The following SCN10A variants were observed in gnomAD, a reference collection of about 807,000 sequenced individuals.
SCN10A encodes sodium voltage-gated channel alpha subunit 10.
In SCN10A, 162 loss-of-function variants were observed where a neutral mutation model predicts 170.7. The ratio of observed to expected loss-of-function variants is 0.95; its 90% CI spans 0.84 to 1.08. The LOEUF (loss-of-function observed/expected upper bound fraction) is 1.08, where lower values mean the gene tolerates loss of function less well. Ranked by LOEUF, SCN10A falls within the 50% of genes least tolerant of loss-of-function variation. The pLI is 0.00. For missense variants in SCN10A, 2,527 were observed against 2,436.9 expected, an observed-to-expected ratio of 1.04 and a Z score of -0.78; for synonymous variants, 985 against 904.6, an observed-to-expected ratio of 1.09 and a Z score of -1.59.
Position 38,726,926 on chromosome 3 carries a change from G to A in SCN10A, c.2767C>T (p.Arg923Cys), listed in dbSNP as rs267599803. 5.0e-6 allele frequency: 8 copies of A among 1,614,142 alleles called. No individual in the cohort carries two copies. In the African/African-American group the frequency reaches 6.7e-5, roughly 13 times the overall value. The change falls in exon 17 of 28, where the codon CGT (arginine) becomes TGT (cysteine). Residue 923 changes from arginine (R) to cysteine (C), a missense_variant. Transcript: ENST00000449082. The stretch of plus-strand genomic sequence containing the variant: ...AAGCTGCAAAGAGCCTGTTTGGTAC[G>A]ATGGCCAAAGACCTGGATCCGTGCC... The part of the protein sequence containing the change: ...ALARIQVFGH[R>C]TKQALCSFFS...
chr3:38,755,009 G>A (rs918116622), intron 11 of SCN10A, among the ~76,000 whole-genome samples: 2 of 152,014 alleles, frequency 1.3e-5, no homozygotes, highest in Non-Finnish European at 2.9e-5. Context: ...AGGAAGCGTG[G>A]CGAGGAAAGT....
chr3:38,762,938 G>T (rs1435417671), intron 6 of SCN10A, among the ~76,000 whole-genome samples: 2 of 152,130 alleles, frequency 1.3e-5, no homozygotes, highest in African/African-American at 4.8e-5. Context: ...AACCTCATGG[G>T]GGCTGAAGAG....
intron 13 of SCN10A, among the ~76,000 whole-genome samples, chr3:38,746,261 T>C (rs538474463): frequency 4.6e-5 from 7 of 151,568 alleles, no homozygotes; most frequent in African/African-American, 1.5e-4. Flanking sequence ...CTTCTTCCCC[T>C]AAAATGCTCC....
chr3:38,815,413 G>A (rs1163087274), intron 1 of SCN10A, among the ~76,000 whole-genome samples: 1 of 152,168 alleles, frequency 6.6e-6, no homozygotes, highest in Non-Finnish European at 1.5e-5. Context: ...CAATAGGCCT[G>A]GAGTGGGGTC....
In SCN10A at chr3:38,701,933, G is replaced by T. The variant is rs774492634; in HGVS notation, c.4563C>A (p.Gly1521=). 1 of 1,614,142 alleles carries T rather than the reference G, an allele frequency of 6.2e-7. No homozygotes were observed. Among genetic ancestry groups the T allele is most frequent in the South Asian group, 1.1e-5 (1 of 91,070 alleles). The change falls in exon 27 of 28, where the codon GGC becomes GGA. Residue 1521 remains glycine, a synonymous_variant. Coordinates refer to ENST00000449082, the MANE Select transcript of SCN10A (RefSeq NM_006514.4). ...INQFFVAVFT[G]ECVMKMFALR... is the part of the protein sequence containing the mutation. ...AAGCGAACATCTTCATGACACATTC[G>T]CCTGTGAAGACGGCCACAAAGAACT...
intron 16 of SCN10A, 72 bp from the exon 17 acceptor site, chr3:38,727,124 C>T: frequency 1.4e-6 from 2 of 1,450,244 alleles, no homozygotes; most frequent in Non-Finnish European, 1.9e-6. Flanking sequence ...ACCGGGTTAG[C>T]AGCTGGCTGG....
chr3:38,814,904 C>G (rs762879141), intron 1 of SCN10A, among the ~76,000 whole-genome samples: 3 of 152,224 alleles, frequency 2.0e-5, no homozygotes, highest in Admixed American at 6.5e-5. Flanking sequence ...GAAAGCCCAA[C>G]CTTTGGCTTC....
At chr3:38,764,359 C>T (rs909613988) in intron 5 of SCN10A, among the ~76,000 whole-genome samples, 23 of 152,068 alleles carry the variant, frequency 1.5e-4, no homozygotes, top group African/African-American at 5.6e-4. Flanking sequence ...TCTCTTATCC[C>T]TTACCTTCGT....
chr3:38,732,404 G>A (rs943682349), intron 15 of SCN10A, among the ~76,000 whole-genome samples: 3 of 152,162 alleles, frequency 2.0e-5, no homozygotes, highest in East Asian at 1.9e-4. Flanking sequence ...TCCTTGAGGC[G>A]CTACTTGAAG....
intron 26 of SCN10A, among the ~76,000 whole-genome samples, chr3:38,706,649 T>C (rs1029797296): frequency 2.6e-5 from 4 of 152,208 alleles, no homozygotes; most frequent in African/African-American, 9.6e-5. Context: ...TGATATCATG[T>C]GTGGTATGGG....
intron 2 of SCN10A, among the ~76,000 whole-genome samples, chr3:38,793,469 T>C (rs1304251347): frequency 6.6e-6 from 1 of 152,174 alleles, no homozygotes; most frequent in Non-Finnish European, 1.5e-5. Flanking sequence ...CCAGAGGTCA[T>C]CCAAGGGAAC....
intron 15 of SCN10A, among the ~76,000 whole-genome samples, chr3:38,733,906 G>C (rs930660268): frequency 1.2e-4 from 19 of 152,298 alleles, no homozygotes; most frequent in African/African-American, 4.3e-4. Context: ...TTTTGGTAGA[G>C]ATGGGTCTTC....
chr3:38,739,379 G>A (rs575769280), intron 15 of SCN10A, 136 bp downstream of exon 15: 4 of 702,782 alleles, frequency 5.7e-6, no homozygotes, highest in Non-Finnish European at 6.7e-6. Context: ...GTCTCCAGTC[G>A]CCCAGGAGTC....
In SCN10A at chr3:38,741,022, T is replaced by G. The variant is rs138416003; in HGVS notation, c.2106+1269A>C. Reference sequence around the variant, plus strand: ...GGTGCTGCCAAAACATGAGGCATGCTGATTCCACCATGTTCCAGAACCTAC... The same window carrying G: ...GGTGCTGCCAAAACATGAGGCATGCGGATTCCACCATGTTCCAGAACCTAC... On this transcript the variant is annotated intron_variant, in intron 14 of 27. Coordinates refer to ENST00000449082, the MANE Select transcript of SCN10A (RefSeq NM_006514.4). Among the ~76,000 whole-genome samples, 638 of 152,332 alleles carry G rather than the reference T, an allele frequency of 4.2e-3. 2 individuals carry two copies. Among genetic ancestry groups the G allele is most frequent in the African/African-American group, 0.014 (602 of 41,574 alleles).
intron 1 of SCN10A, among the ~76,000 whole-genome samples, chr3:38,798,363 G>A (rs2064352184): frequency 6.6e-6 from 1 of 152,158 alleles, no homozygotes; most frequent in African/African-American, 2.4e-5. Context: ...GAGGCAGGAA[G>A]TCACATGTAG....
intron 1 of SCN10A, among the ~76,000 whole-genome samples, chr3:38,812,095 C>T (rs1054599523): frequency 6.6e-6 from 1 of 152,230 alleles, no homozygotes; most frequent in Non-Finnish European, 1.5e-5. Flanking sequence ...CTATGACCAT[C>T]CACCAAGGCA....
At chr3:38,754,558 A>T (rs1436035462) in intron 11 of SCN10A, among the ~76,000 whole-genome samples, 1 of 152,194 alleles carries the variant, frequency 6.6e-6, no homozygotes, top group Non-Finnish European at 1.5e-5. Flanking sequence ...TTAAAGCCCA[A>T]TTCAGTGTCA....
chr3:38,757,265 TAGTC>T, intron 8 of SCN10A, 106 bp from the exon 9 acceptor site: 41 of 1,105,812 alleles, frequency 3.7e-5, no homozygotes, highest in South Asian at 1.9e-4. Flanking sequence ...GTTCAAGACC[TAGTC>T]TTCCTCTTAT....
intron 4 of SCN10A, among the ~76,000 whole-genome samples, chr3:38,783,611 G>A (rs1470101394): frequency 6.6e-6 from 1 of 151,938 alleles, no homozygotes; most frequent in Non-Finnish European, 1.5e-5. Flanking sequence ...CAAAGTTTAT[G>A]GACATTTGAG....
Sources: gnomAD v4.1 joint callset for allele counts (sites outside exome capture counted in the v4.1 genomes callset) on GRCh38, gnomAD v4.1.1 for gene constraint, MANE v1.5 for transcripts, NCBI Gene and HGNC (gene_info 2026-07-23, HGNC 2026-07-21) for gene names.